ALK: variants seen among roughly 807,000 people sequenced by gnomAD.
ALK encodes the protein ALK tyrosine kinase receptor.
A neutral mutation model predicts 163.1 loss-of-function variants in ALK; 74 were observed. The ratio of observed to expected loss-of-function variants is 0.45; its 90% CI spans 0.38 to 0.55. The LOEUF is 0.55. Among genes scored for constraint, ALK ranks in the 20% least tolerant of loss-of-function variants. The pLI is 0.00. For missense variants in ALK, 2,063 were observed against 2,105.3 expected, an observed-to-expected ratio of 0.98 and a Z score of 0.39; for synonymous variants, 960 against 843.2, an observed-to-expected ratio of 1.14 and a Z score of -2.40.
intron 1 of ALK, among the ~76,000 whole-genome samples, chr2:29,896,530 G>C (rs72798429): frequency 0.071 from 10,761 of 152,224 alleles, 584 homozygotes; most frequent in African/African-American, 0.15. Context: ...GCAAGGACAA[G>C]GAGAGAAGAC....
intron 5 of ALK, among the ~76,000 whole-genome samples, chr2:29,342,183 T>G (rs1401457905): frequency 6.6e-6 from 1 of 152,174 alleles, no homozygotes; most frequent in Non-Finnish European, 1.5e-5. Context: ...ATAGAGAAAT[T>G]TGAACCCTTG....
chr2:29,312,502 G>A (rs1666722394), intron 8 of ALK, among the ~76,000 whole-genome samples: 1 of 152,166 alleles, frequency 6.6e-6, no homozygotes, highest in African/African-American at 2.4e-5. Context: ...TGGCCAGCTG[G>A]ATTCTTCTGG....
In ALK at chr2:29,718,223, G is replaced by A. The variant is rs564351218; in HGVS notation, c.668-526C>T. On this transcript the variant is annotated intron_variant, in intron 1 of 28. Transcript: ENST00000389048. ...GGGTTGTGGGGGAAGCTAGGTGACC[G>A]GAGTTTTCCCAAAGCCAAGAGGCCA... is the stretch of plus-strand genomic sequence containing the variant. Among the ~76,000 whole-genome samples, 10 of 152,236 alleles carry A rather than the reference G, an allele frequency of 6.6e-5. No individual in the cohort carries two copies. In the South Asian group the frequency reaches 1.9e-3, roughly 28 times the overall value.
intron 1 of ALK, among the ~76,000 whole-genome samples, chr2:29,725,974 G>A (rs1042277924): frequency 2.6e-5 from 4 of 152,138 alleles, no homozygotes; most frequent in Non-Finnish European, 5.9e-5. Context: ...ATCCATGAGC[G>A]TCACAATGTC....
chr2:29,830,713 TAAAAAAAAAAA>T (rs530774574), intron 1 of ALK, among the ~76,000 whole-genome samples: 106 of 28,990 alleles, frequency 3.7e-3, no homozygotes, highest in African/African-American at 0.011. Flanking sequence ...TAAAATAGTT[TAAAAAAAAAAA>T]AAAAAAAAAA....
chr2:29,309,790 T>C (rs77194175), intron 8 of ALK, among the ~76,000 whole-genome samples: 22,315 of 152,000 alleles, frequency 0.15, 1,802 homozygotes, highest in Non-Finnish European at 0.18. Context: ...AGTGGGTTTA[T>C]TGGGCATGTC....
chr2:29,714,271 C>T (rs1389657645), intron 2 of ALK, among the ~76,000 whole-genome samples: 1 of 152,118 alleles, frequency 6.6e-6, no homozygotes, highest in Admixed American at 6.6e-5. Context: ...CGTCATTCAA[C>T]ACAAAGGCGA....
intron 1 of ALK, among the ~76,000 whole-genome samples, chr2:29,739,316 C>T (rs10207880): frequency 0.86 from 126,782 of 148,112 alleles, 54,492 homozygotes; most frequent in African/African-American, 0.92. Flanking sequence ...TCCCAGCACG[C>T]TGGGAGCCCA....
At chr2:29,416,979 C>CCT (rs1177704836) in intron 4 of ALK, among the ~76,000 whole-genome samples, 22 of 77,672 alleles carry the variant, frequency 2.8e-4, no homozygotes, top group African/African-American at 1.2e-3. Context: ...ATGTTTGATG[C>CCT]TTTTTTTTTT....
At chr2:29,272,815 C>G (rs778186395) in intron 11 of ALK, among the ~76,000 whole-genome samples, 1 of 152,206 alleles carries the variant, frequency 6.6e-6, no homozygotes, top group Non-Finnish European at 1.5e-5. Flanking sequence ...TAGTGTTTAT[C>G]TCCGATTGGA....
In ALK at chr2:29,668,731, C is replaced by T. The variant is rs150131899; in HGVS notation, c.952+26119G>A. On this transcript the variant is annotated intron_variant, in intron 3 of 28. Transcript: ENST00000389048. ...TATTCTGCACATGTATTAGTCTGTTCTCATGGTGCTAATAAAGACATACCC... is the reference window on the plus strand; with the variant it reads ...TATTCTGCACATGTATTAGTCTGTTTTCATGGTGCTAATAAAGACATACCC... Among the ~76,000 whole-genome samples, 604 of 152,124 alleles carry T rather than the reference C, an allele frequency of 4.0e-3. 4 individuals are homozygous for T. The highest frequency in any genetic ancestry group is 0.014 in the African/African-American group (573 of 41,514).
chr2:29,359,142 C>G (rs138600309), intron 5 of ALK, among the ~76,000 whole-genome samples: 1 of 151,818 alleles, frequency 6.6e-6, no homozygotes, highest in Non-Finnish European at 1.5e-5. Flanking sequence ...CTAGGTATAT[C>G]TAAAAGGATG....
At chr2:29,341,566 G>A (rs111294265) in intron 5 of ALK, among the ~76,000 whole-genome samples, 2 of 152,284 alleles carry the variant, frequency 1.3e-5, no homozygotes, top group African/African-American at 4.8e-5. Context: ...AGTCTGCAGT[G>A]AGCTATGATT....
intron 1 of ALK, among the ~76,000 whole-genome samples, chr2:29,915,171 C>G (rs1031054484): frequency 6.6e-6 from 1 of 152,186 alleles, no homozygotes; most frequent in Non-Finnish European, 1.5e-5. Flanking sequence ...ACTGAGACTT[C>G]TGCTGATCAA....
At chr2:29,213,919 G>C in intron 24 of ALK, 65 bp downstream of exon 24, 1 of 1,389,292 alleles carries the variant, frequency 7.2e-7, no homozygotes. Flanking sequence ...GAGCCCTTGA[G>C]ATCTGCGGGG....
chr2:29,592,510 C>T (rs1240458894), intron 3 of ALK, among the ~76,000 whole-genome samples: 1 of 152,182 alleles, frequency 6.6e-6, no homozygotes, highest in African/African-American at 2.4e-5. Flanking sequence ...TATTCTTTCC[C>T]TCTACCTGGG....
intron 1 of ALK, among the ~76,000 whole-genome samples, chr2:29,850,873 C>T (rs1665972328): frequency 6.6e-6 from 1 of 152,184 alleles, no homozygotes; most frequent in African/African-American, 2.4e-5. Flanking sequence ...TTTAGCTACC[C>T]ACCCTCTAAG....
intron 1 of ALK, among the ~76,000 whole-genome samples, chr2:29,911,222 T>C (rs528290280): frequency 2.6e-5 from 4 of 152,358 alleles, no homozygotes; most frequent in African/African-American, 9.6e-5. Context: ...GGAAAGGAAC[T>C]TTATGATTCA....
At chr2:29,699,299 A>C (rs1282668023) in intron 2 of ALK, among the ~76,000 whole-genome samples, 1 of 151,964 alleles carries the variant, frequency 6.6e-6, no homozygotes, top group African/African-American at 2.4e-5. Flanking sequence ...TCCTTCCATC[A>C]CTGTACCTCA....
Sources: allele counts gnomAD v4.1 joint callset (sites outside exome capture counted in the v4.1 genomes callset), GRCh38; gene constraint gnomAD v4.1.1; transcripts MANE v1.5; gene names NCBI Gene and HGNC (gene_info 2026-07-23, HGNC 2026-07-21).